AGBL4: variants seen among roughly 807,000 people sequenced by gnomAD.
AGBL4 encodes cytosolic carboxypeptidase 6.
Under a neutral mutation model 66.4 loss-of-function variants are expected in AGBL4, and 58 were observed. That is an observed-to-expected ratio of 0.87 (90% CI 0.71 to 1.09). AGBL4 has a LOEUF of 1.09. Ranked by LOEUF, AGBL4 falls within the 50% of genes least tolerant of loss-of-function variation. AGBL4 has a pLI of 0.00. For missense variants in AGBL4, 579 were observed against 631.0 expected (o/e 0.92, Z 0.88); for synonymous variants, 234 against 222.9 (o/e 1.05, Z -0.44).
chr1:48,959,848 G>C (rs1657809230), intron 5 of AGBL4, among the ~76,000 whole-genome samples: 1 of 152,176 alleles, frequency 6.6e-6, no homozygotes, highest in South Asian at 2.1e-4. Context: ...AGATCAATGA[G>C]GTAGGAGGTA....
intron 5 of AGBL4, among the ~76,000 whole-genome samples, chr1:49,002,254 GA>G (rs1209307468): frequency 1.3e-5 from 2 of 152,172 alleles, no homozygotes; most frequent in Non-Finnish European, 2.9e-5. Flanking sequence ...ATTTGATCTA[GA>G]TCTTGAATGG....
intron 2 of AGBL4, among the ~76,000 whole-genome samples, chr1:49,746,082 T>C (rs985908954): frequency 1.3e-5 from 2 of 152,040 alleles, no homozygotes; most frequent in Non-Finnish European, 2.9e-5. Context: ...ATTCAATTAA[T>C]TATTTAATTT....
At chr1:49,804,019 T>C (rs1383186254) in intron 2 of AGBL4, among the ~76,000 whole-genome samples, 1 of 152,190 alleles carries the variant, frequency 6.6e-6, no homozygotes, top group African/African-American at 2.4e-5. Context: ...GTGCTGCTAA[T>C]TGCTAAAAAT....
chr1:49,437,140 A>G (rs1302227248), intron 3 of AGBL4, among the ~76,000 whole-genome samples: 1 of 152,178 alleles, frequency 6.6e-6, no homozygotes, highest in East Asian at 1.9e-4. Flanking sequence ...AGTTGAGGAC[A>G]GCCCGGGTCA....
At chr1:49,003,821 A>T (rs1661575625) in intron 5 of AGBL4, among the ~76,000 whole-genome samples, 1 of 152,156 alleles carries the variant, frequency 6.6e-6, no homozygotes, top group South Asian at 2.1e-4. Context: ...TCTGGAAATC[A>T]CCTCTTTCCT....
chr1:49,634,701 T>C (rs528604782), intron 3 of AGBL4, among the ~76,000 whole-genome samples: 1 of 152,328 alleles, frequency 6.6e-6, no homozygotes, highest in South Asian at 2.1e-4. Flanking sequence ...GTGTTCCTAT[T>C]TCTCCACATC....
intron 3 of AGBL4, among the ~76,000 whole-genome samples, chr1:49,647,279 A>G (rs569596197): frequency 2.0e-5 from 3 of 152,122 alleles, no homozygotes; most frequent in African/African-American, 7.2e-5. Flanking sequence ...ACAAGTAAAA[A>G]GCTAAATAAA....
At chr1:49,266,466 A>G (rs2148375519) in intron 3 of AGBL4, among the ~76,000 whole-genome samples, 1 of 152,200 alleles carries the variant, frequency 6.6e-6, no homozygotes, top group Middle Eastern at 3.4e-3. Context: ...AAATTTTAGC[A>G]CTAATTCAAA....
chr1:49,256,387 T>C (rs932517158), intron 3 of AGBL4, among the ~76,000 whole-genome samples: 2 of 152,198 alleles, frequency 1.3e-5, no homozygotes, highest in African/African-American at 2.4e-5. Flanking sequence ...TGTATATCTA[T>C]ATACTAACAG....
intron 11 of AGBL4, among the ~76,000 whole-genome samples, chr1:48,574,375 C>T (rs1478495840): frequency 6.6e-6 from 1 of 152,122 alleles, no homozygotes; most frequent in Non-Finnish European, 1.5e-5. Flanking sequence ...TAATAATACT[C>T]ATCTCTACGG....
At chr1:49,919,182 G>A (rs1031445060) in intron 1 of AGBL4, among the ~76,000 whole-genome samples, 1 of 152,144 alleles carries the variant, frequency 6.6e-6, no homozygotes, top group African/African-American at 2.4e-5. Context: ...CACAAGACAG[G>A]GACGACCTCT....
At chr1:48,803,839 TCTC>T (rs1165578377) in intron 6 of AGBL4, among the ~76,000 whole-genome samples, 3 of 152,204 alleles carry the variant, frequency 2.0e-5, no homozygotes, top group African/African-American at 7.2e-5. Flanking sequence ...GAATGGTTCT[TCTC>T]CAATCTCTGC....
intron 2 of AGBL4, among the ~76,000 whole-genome samples, chr1:49,849,011 T>C (rs1170994846): frequency 6.6e-6 from 1 of 152,140 alleles, no homozygotes; most frequent in African/African-American, 2.4e-5. Flanking sequence ...CTCCCAATGT[T>C]ACTGGACAAC....
At chr1:48,678,463 G>A (rs1037415919) in intron 6 of AGBL4, among the ~76,000 whole-genome samples, 4 of 152,182 alleles carry the variant, frequency 2.6e-5, no homozygotes, top group Non-Finnish European at 5.9e-5. Flanking sequence ...CGGAACCCAT[G>A]CCCTCTCTTT....
chr1:49,802,662 C>G (rs1029688198), intron 2 of AGBL4, among the ~76,000 whole-genome samples: 1 of 152,166 alleles, frequency 6.6e-6, no homozygotes, highest in Non-Finnish European at 1.5e-5. Flanking sequence ...AACCTACCCC[C>G]GCCCTCACTA....
chr1:49,475,167 A>C (rs1311599584), intron 3 of AGBL4, among the ~76,000 whole-genome samples: 1 of 152,016 alleles, frequency 6.6e-6, no homozygotes, highest in African/African-American at 2.4e-5. Flanking sequence ...ATGTTATCGC[A>C]TGCTTTTCCT....
chr1:49,486,163 A>G (rs1647062529), intron 3 of AGBL4, among the ~76,000 whole-genome samples: 3 of 152,026 alleles, frequency 2.0e-5, no homozygotes, highest in Admixed American at 2.0e-4. Context: ...GCACTCAGAA[A>G]TCAGATAGCA....
chr1:49,526,018 G>A (rs558137036), intron 3 of AGBL4, among the ~76,000 whole-genome samples: 15 of 151,962 alleles, frequency 9.9e-5, no homozygotes, highest in African/African-American at 3.6e-4. Context: ...CGTGAACCCT[G>A]GGAGGTGGAG....
At chr1:48,706,219 T>C (rs1344318578) in intron 6 of AGBL4, among the ~76,000 whole-genome samples, 3 of 152,206 alleles carry the variant, frequency 2.0e-5, no homozygotes, top group Non-Finnish European at 4.4e-5. Context: ...TTATTTTATA[T>C]GTATTAGATA....
Sources: allele counts gnomAD v4.1 joint callset (sites outside exome capture counted in the v4.1 genomes callset), GRCh38; gene constraint gnomAD v4.1.1; transcripts MANE v1.5; gene names NCBI Gene and HGNC (gene_info 2026-07-23, HGNC 2026-07-21).